Variants in ZNF420 observed in about 807,000 individuals in gnomAD.
ZNF420 encodes the protein ATM and p53-associated KZNF protein.
In ZNF420, 31 loss-of-function variants were observed where a neutral mutation model predicts 44.7. The observed-to-expected ratio is 0.69, with a 90% CI of 0.52 to 0.94. The LOEUF is 0.94. Ranked by LOEUF, ZNF420 falls within the 40% of genes least tolerant of loss-of-function variation. The probability of loss-of-function intolerance (pLI) is 0.00; values close to 1 mark genes in which losing one functional copy is unlikely to be tolerated. For synonymous variants in ZNF420, 245 were observed against 267.4 expected, an observed-to-expected ratio of 0.92 and a Z score of 0.82; for missense variants, 681 against 827.9, an observed-to-expected ratio of 0.82 and a Z score of 2.18.
At chr19:37,068,410 C>T (rs920776492) in intron 1 of ZNF420, among the ~76,000 whole-genome samples, 1 of 152,192 alleles carries the variant, frequency 6.6e-6, no homozygotes. Flanking sequence ...GAGGCTGAGG[C>T]GGGCGGATCA....
At chr19:37,048,611 A>G (rs1249829930) in intron 1 of ZNF420, among the ~76,000 whole-genome samples, 1 of 152,238 alleles carries the variant, frequency 6.6e-6, no homozygotes, top group Non-Finnish European at 1.5e-5. Context: ...GCTACATGCT[A>G]TCATCACCAG....
chr19:37,054,871 G>A (rs537408551), intron 1 of ZNF420, among the ~76,000 whole-genome samples: 2 of 152,322 alleles, frequency 1.3e-5, no homozygotes, highest in East Asian at 1.9e-4. Context: ...AGAAACACAA[G>A]ATGAATTGTA....
intron 4 of ZNF420, among the ~76,000 whole-genome samples, chr19:37,124,158 C>T (rs2145326211): frequency 6.6e-6 from 1 of 152,250 alleles, no homozygotes; most frequent in East Asian, 1.9e-4. Context: ...TATAGTTTTG[C>T]TTTGTCAAGA....
chr19:37,099,027 G>A (rs1357506512), intron 4 of ZNF420, among the ~76,000 whole-genome samples: 5 of 152,024 alleles, frequency 3.3e-5, no homozygotes, highest in Admixed American at 1.3e-4. Flanking sequence ...ATTTTTATAG[G>A]TTAATAGTAT....
intron 1 of ZNF420, among the ~76,000 whole-genome samples, chr19:37,021,936 C>CAAAAAAAAAAAAAAAAAA (rs60559933): frequency 7.1e-5 from 6 of 84,584 alleles, no homozygotes; most frequent in Non-Finnish European, 9.0e-5. Context: ...CAGTCTGTCT[C>CAAAAAAAAAAAAAAAAAA]AAAAAAAAAA....
intron 1 of ZNF420, among the ~76,000 whole-genome samples, chr19:37,019,036 A>G (rs955157576): frequency 6.2e-5 from 9 of 145,014 alleles, no homozygotes; most frequent in Admixed American, 3.7e-4. Context: ...CATGAAAAGT[A>G]AAAAAGAAGT....
intron 4 of ZNF420, among the ~76,000 whole-genome samples, chr19:37,095,474 G>A (rs1169814895): frequency 6.6e-6 from 1 of 151,910 alleles, no homozygotes; most frequent in African/African-American, 2.4e-5. Context: ...GTTTGCTTGT[G>A]GATTTGTTGA....
intron 2 of ZNF420, among the ~76,000 whole-genome samples, chr19:37,086,355 A>G (rs1968780875): frequency 6.6e-6 from 1 of 152,078 alleles, no homozygotes; most frequent in African/African-American, 2.4e-5. Context: ...TAGCCTCTTA[A>G]ATTAAGTGAC....
At chr19:37,103,003 C>T (rs559003205) in intron 4 of ZNF420, among the ~76,000 whole-genome samples, 109 of 151,566 alleles carry the variant, frequency 7.2e-4, no homozygotes, top group Admixed American at 2.4e-3. Context: ...GATTTTTTAT[C>T]TCACTTATAT....
chr19:37,021,276 A>AT (rs914527885), intron 1 of ZNF420, among the ~76,000 whole-genome samples: 9 of 151,882 alleles, frequency 5.9e-5, no homozygotes, highest in African/African-American at 1.5e-4. Context: ...TTTATTTTTT[A>AT]TTTTTTTTGA....
At chr19:37,036,358 A>C (rs1415017506) in intron 1 of ZNF420, among the ~76,000 whole-genome samples, 1 of 152,214 alleles carries the variant, frequency 6.6e-6, no homozygotes, top group African/African-American at 2.4e-5. Context: ...AGAAATATGT[A>C]TAATTGTCAT....
intron 1 of ZNF420, among the ~76,000 whole-genome samples, chr19:37,056,111 T>G (rs1468262243): frequency 6.6e-6 from 1 of 151,924 alleles, no homozygotes; most frequent in Non-Finnish European, 1.5e-5. Flanking sequence ...TCTCTCTTTC[T>G]CTTTCTGTGT....
upstream of ZNF420, among the ~76,000 whole-genome samples, chr19:37,076,263 A>G (rs1968148741): frequency 6.6e-6 from 1 of 152,052 alleles, no homozygotes; most frequent in South Asian, 2.1e-4. Flanking sequence ...CTCAAGATCA[A>G]TGCATGCTGT....
At chr19:37,013,803 T>G (rs1262335881) in intron 1 of ZNF420, among the ~76,000 whole-genome samples, 8 of 152,218 alleles carry the variant, frequency 5.3e-5, no homozygotes, top group Non-Finnish European at 1.2e-4. Context: ...CAGGGACTCC[T>G]GTATCCTGAC....
At chr19:37,025,019 G>T in intron 1 of ZNF420, 2 of 219,228 alleles carry the variant, frequency 9.1e-6, no homozygotes, top group Middle Eastern at 6.2e-4. Flanking sequence ...GGCCTGAGTT[G>T]AGCCTAAAGG....
chr19:37,114,149 CTTG>C (rs1970529848), intron 4 of ZNF420, among the ~76,000 whole-genome samples: 1 of 152,250 alleles, frequency 6.6e-6, no homozygotes, highest in African/African-American at 2.4e-5. Flanking sequence ...TCGGTATCTC[CTTG>C]TTTTCTTGCC....
intron 1 of ZNF420, among the ~76,000 whole-genome samples, chr19:37,050,514 T>C (rs939794560): frequency 1.3e-5 from 2 of 152,186 alleles, no homozygotes; most frequent in African/African-American, 4.8e-5. Context: ...TTGGCTCTGT[T>C]TGTCTGTTAT....
At chr19:37,079,020 T>A (rs1239320670) in intron 1 of ZNF420, among the ~76,000 whole-genome samples, 1 of 152,134 alleles carries the variant, frequency 6.6e-6, no homozygotes, top group Non-Finnish European at 1.5e-5. Flanking sequence ...TTTCCCTGAT[T>A]TCGTACTGGG....
Position 37,129,254 on chromosome 19 carries a change from G to A in ZNF420, c.*196G>A, listed in dbSNP as rs1372441085. 1 of 645,490 alleles carries A rather than the reference G, an allele frequency of 1.5e-6. No individual in the cohort carries two copies. The highest frequency in any genetic ancestry group is 1.8e-5 in the African/African-American group (1 of 54,854). The allele number at this position is 645,490 out of a possible 1,614,324, so 40.0% of individuals were successfully genotyped here. A position where few individuals can be genotyped will look rare whatever the true frequency, so the allele number is the denominator to read the frequency against. On this transcript the variant is annotated 3_prime_UTR_variant, in exon 5 of 5. Transcript: ENST00000337995. Reference sequence around the variant, plus strand: ...ACCTATTAAACATTAGCAAATTGGAGAATAGTTTTAATATAGTAAATGTAG... The same window carrying A: ...ACCTATTAAACATTAGCAAATTGGAAAATAGTTTTAATATAGTAAATGTAG...
Sources: allele counts gnomAD v4.1 joint callset (sites outside exome capture counted in the v4.1 genomes callset), GRCh38; gene constraint gnomAD v4.1.1; transcripts MANE v1.5; gene names NCBI Gene and HGNC (gene_info 2026-07-23, HGNC 2026-07-21).